The following SEMA3E variants were observed in gnomAD, a reference collection of about 807,000 sequenced individuals.
SEMA3E encodes semaphorin-3E.
In SEMA3E, 49 loss-of-function variants were observed where a neutral mutation model predicts 93.6. That is an observed-to-expected ratio of 0.52 (90% CI 0.42 to 0.66). The LOEUF (loss-of-function observed/expected upper bound fraction) is 0.66. Among genes scored for constraint, SEMA3E ranks in the 30% least tolerant of loss-of-function variants. The pLI is 0.00. For synonymous variants in SEMA3E, 363 were observed against 330.7 expected, an observed-to-expected ratio of 1.10 and a Z score of -1.06; for missense variants, 906 against 964.8, an observed-to-expected ratio of 0.94 and a Z score of 0.81.
At chr7:83,515,991 G>C (rs11976348) in intron 1 of SEMA3E, among the ~76,000 whole-genome samples, 3,534 of 152,132 alleles carry the variant, frequency 0.023, 149 homozygotes, top group African/African-American at 0.08. Context: ...TGCCTCACTG[G>C]CCTTGAGCCT....
intron 16 of SEMA3E, among the ~76,000 whole-genome samples, chr7:83,382,473 T>C (rs1402787191): frequency 6.6e-6 from 1 of 151,912 alleles, no homozygotes; most frequent in Non-Finnish European, 1.5e-5. Context: ...GAAAATTATG[T>C]CTAACATGCA....
intron 4 of SEMA3E, among the ~76,000 whole-genome samples, chr7:83,426,754 T>C (rs1393695926): frequency 6.6e-6 from 1 of 152,192 alleles, no homozygotes; most frequent in Non-Finnish European, 1.5e-5. Flanking sequence ...ATTATTATGC[T>C]ACGTTGTACA....
chr7:83,396,547 G>T (rs1788125824), intron 12 of SEMA3E, 91 bp downstream of exon 12: 1 of 766,536 alleles, frequency 1.3e-6, no homozygotes, highest in East Asian at 2.6e-5. Context: ...TACCTGTTAG[G>T]GAAAAAAAAA....
intron 1 of SEMA3E, among the ~76,000 whole-genome samples, chr7:83,607,299 T>C (rs533669260): frequency 6.6e-6 from 1 of 152,344 alleles, no homozygotes; most frequent in East Asian, 1.9e-4. Context: ...TATATGAAAA[T>C]CACTGGAGGT....
At chr7:83,502,580 TC>T (rs1358123715) in intron 1 of SEMA3E, among the ~76,000 whole-genome samples, 12 of 149,522 alleles carry the variant, frequency 8.0e-5, no homozygotes, top group African/African-American at 2.2e-4. Context: ...AAATAAGCCC[TC>T]CCAGTCTTAA....
At chr7:83,565,986 G>A (rs1188748138) in intron 1 of SEMA3E, among the ~76,000 whole-genome samples, 1 of 136,484 alleles carries the variant, frequency 7.3e-6, no homozygotes, top group Non-Finnish European at 1.6e-5. Flanking sequence ...ACTTACCAAT[G>A]TTTCCACTCT....
chr7:83,488,045 G>A (rs527388315), intron 2 of SEMA3E, among the ~76,000 whole-genome samples: 1 of 152,006 alleles, frequency 6.6e-6, no homozygotes, highest in East Asian at 1.9e-4. Flanking sequence ...AAGGTGACAG[G>A]AGCCAATATG....
At chr7:83,370,618 C>A (rs1794737209) in intron 16 of SEMA3E, among the ~76,000 whole-genome samples, 1 of 152,050 alleles carries the variant, frequency 6.6e-6, no homozygotes, top group Admixed American at 6.6e-5. Flanking sequence ...ATATCTCTGC[C>A]TTCAGATACT....
intron 4 of SEMA3E, among the ~76,000 whole-genome samples, chr7:83,465,478 C>A (rs1789735158): frequency 6.6e-6 from 1 of 152,154 alleles, no homozygotes; most frequent in Admixed American, 6.5e-5. Flanking sequence ...ACTTCAAATA[C>A]TTCGAATTAT....
chr7:83,616,547 C>A, intron 1 of SEMA3E: 2 of 292,728 alleles, frequency 6.8e-6, no homozygotes, highest in South Asian at 2.8e-5. Flanking sequence ...AATGATATTC[C>A]CTGCTGTTTT....
intron 11 of SEMA3E, among the ~76,000 whole-genome samples, chr7:83,398,466 A>C (rs1788169350): frequency 6.6e-6 from 1 of 152,184 alleles, no homozygotes; most frequent in Non-Finnish European, 1.5e-5. Flanking sequence ...CTATGAGTGA[A>C]TTTATGGCCA....
chr7:83,534,310 G>A (rs1365930948), intron 1 of SEMA3E, among the ~76,000 whole-genome samples: 7 of 152,202 alleles, frequency 4.6e-5, no homozygotes, highest in Admixed American at 6.5e-5. Context: ...TGAAGTTCTC[G>A]CCTTTGATTC....
intron 4 of SEMA3E, among the ~76,000 whole-genome samples, chr7:83,430,651 G>T (rs1788862236): frequency 6.6e-6 from 1 of 152,040 alleles, no homozygotes; most frequent in Admixed American, 6.6e-5. Context: ...ACACAGGGAG[G>T]GGAACATCAC....
intron 1 of SEMA3E, among the ~76,000 whole-genome samples, chr7:83,614,717 A>G (rs1793329679): frequency 6.6e-6 from 1 of 152,126 alleles, no homozygotes; most frequent in Non-Finnish European, 1.5e-5. Flanking sequence ...ATTCATGACT[A>G]CTGAGGCAGG....
chr7:83,521,978 G>A (rs955433428), intron 1 of SEMA3E, among the ~76,000 whole-genome samples: 1 of 151,942 alleles, frequency 6.6e-6, no homozygotes, highest in Non-Finnish European at 1.5e-5. Flanking sequence ...TGGCACTCAG[G>A]GCAGAGACAA....
At chr7:83,620,175 A>G (rs2115626067) in intron 1 of SEMA3E, among the ~76,000 whole-genome samples, 1 of 152,106 alleles carries the variant, frequency 6.6e-6, no homozygotes, top group Admixed American at 6.6e-5. Context: ...TCTTCTGCAG[A>G]CTTCCATACT....
chr7:83,577,257 G>A (rs1979768), intron 1 of SEMA3E, among the ~76,000 whole-genome samples: 2 of 152,064 alleles, frequency 1.3e-5, no homozygotes, highest in Non-Finnish European at 2.9e-5. Flanking sequence ...GATCTATACT[G>A]CTCCTTTTGT....
chr7:83,522,371 C>T (rs1214979964), intron 1 of SEMA3E, among the ~76,000 whole-genome samples: 1 of 152,034 alleles, frequency 6.6e-6, no homozygotes, highest in Non-Finnish European at 1.5e-5. Flanking sequence ...CTTATTTCTT[C>T]AGATAGCCAT....
chr7:83,607,517 T>G (rs2115567773), intron 1 of SEMA3E, among the ~76,000 whole-genome samples: 1 of 152,306 alleles, frequency 6.6e-6, no homozygotes, highest in East Asian at 1.9e-4. Flanking sequence ...TAGAGAAAAC[T>G]TAATATTTTT....
Sources: gnomAD v4.1 joint callset for allele counts (sites outside exome capture counted in the v4.1 genomes callset) on GRCh38, gnomAD v4.1.1 for gene constraint, MANE v1.5 for transcripts, NCBI Gene and HGNC (gene_info 2026-07-23, HGNC 2026-07-21) for gene names.